Variants in CUBN observed in about 807,000 individuals in gnomAD.
The protein encoded by CUBN is 460 kDa receptor.
In CUBN, 282 loss-of-function variants were observed where a neutral mutation model predicts 405.3. The observed-to-expected ratio is 0.70, with a 90% CI of 0.63 to 0.77. The LOEUF is 0.77. CUBN is among the 30% of genes least tolerant of loss of function. The probability of loss-of-function intolerance (pLI) is 0.00; values close to 1 mark genes in which losing one functional copy is unlikely to be tolerated. For missense variants in CUBN, 4,514 were observed against 4,475.2 expected (o/e 1.01, Z -0.25); for synonymous variants, 1,684 against 1,617.0 (o/e 1.04, Z -0.99).
At chr10:16,965,112 C>T (rs969823518) in intron 31 of CUBN, among the ~76,000 whole-genome samples, 6 of 152,110 alleles carry the variant, frequency 3.9e-5, no homozygotes, top group African/African-American at 1.4e-4. Flanking sequence ...TCTGTTTGTC[C>T]GATGTATCGC....
At chr10:17,025,075 A>G (rs1246526166) in intron 27 of CUBN, among the ~76,000 whole-genome samples, 2 of 152,230 alleles carry the variant, frequency 1.3e-5, no homozygotes, top group East Asian at 1.9e-4. Flanking sequence ...TCCAATTATA[A>G]ATCTTTGCAA....
At position 16,919,917 on chromosome 10, in the gene CUBN, A is replaced by C. The variant is rs143364079; in HGVS notation, c.6821+46T>G. ...CTGTTTTGAGACATGACGGTTAAAA[A>C]ATACTAACTTGGGGTAGGAAAAAAA... is the stretch of plus-strand genomic sequence containing the variant. On this transcript the variant is annotated intron_variant, in intron 44 of 66. Coordinates refer to ENST00000377833, the MANE Select transcript of CUBN (RefSeq NM_001081.4). 1.7e-4 allele frequency: 267 copies of C among 1,592,844 alleles called. No homozygotes were observed. In the African/African-American group the frequency reaches 3.0e-3, roughly 18 times the overall value.
Position 17,123,047 on chromosome 10 carries a change from C to T in CUBN, c.490-149G>A, listed in dbSNP as rs146604093. The T allele has an allele frequency of 8.8e-4, 602 of 686,098 alleles. 1 individual carries two copies. In the East Asian group the frequency reaches 0.016, roughly 18 times the overall value. The allele number at this position is 686,098 out of a possible 1,614,324, so 42.5% of individuals were successfully genotyped here. A position where few individuals can be genotyped will look rare whatever the true frequency, so the allele number is the denominator to read the frequency against. On this transcript the variant is annotated intron_variant, in intron 5 of 66. Transcript: ENST00000377833. ...CAATAATACTGATATTAACCCCTGG[C>T]TATTCTTCCTCTGGAACTCAGATTT...
Position 16,891,818 on chromosome 10 carries a change from A to AT in CUBN, c.8599-1292dup, listed in dbSNP as rs199730303. ...GGGACCTCTGGCAAGGTTTGTAGTC[A>AT]TTTTTCTATTGTCACACTCGGTGTG... On this transcript the variant is annotated intron_variant, in intron 54 of 66. Coordinates refer to ENST00000377833, the MANE Select transcript of CUBN (RefSeq NM_001081.4). Among the ~76,000 whole-genome samples the AT allele has an allele frequency of 8.3e-3, 1,260 of 152,098 alleles. 10 individuals carry two copies. The highest frequency in any genetic ancestry group is 0.028 in the African/African-American group (1,153 of 41,488).
chr10:17,067,588 A>G (rs545345973), intron 21 of CUBN, among the ~76,000 whole-genome samples: 2 of 152,292 alleles, frequency 1.3e-5, no homozygotes, highest in South Asian at 2.1e-4. Flanking sequence ...AAATATTTTA[A>G]GAACCAGTGG....
chr10:17,127,028 C>T (rs772642832), intron 3 of CUBN, among the ~76,000 whole-genome samples: 46 of 151,834 alleles, frequency 3.0e-4, no homozygotes, highest in Non-Finnish European at 4.1e-4. Flanking sequence ...TTTTAAAGTA[C>T]AACCCACTGA....
intron 54 of CUBN, among the ~76,000 whole-genome samples, chr10:16,891,502 G>T (rs533152081): frequency 1.9e-4 from 29 of 152,232 alleles, no homozygotes; most frequent in African/African-American, 7.0e-4. Context: ...ACACGTTAGA[G>T]ACTCGGGCCA....
intron 10 of CUBN, among the ~76,000 whole-genome samples, chr10:17,105,985 C>G (rs759927340): frequency 9.9e-5 from 15 of 152,144 alleles, no homozygotes; most frequent in Non-Finnish European, 1.6e-4. Context: ...ATTTAATCCT[C>G]CCAAGAGCCC....
At chr10:17,040,530 C>T (rs1310776334) in intron 27 of CUBN, among the ~76,000 whole-genome samples, 3 of 151,980 alleles carry the variant, frequency 2.0e-5, no homozygotes, top group Admixed American at 6.6e-5. Flanking sequence ...AAATTGCATA[C>T]AGACAGTTGA....
rs571997859 is a variant in CUBN, at chr10:17,126,413, GC to G, written c.387+347del. 4.6e-3 allele frequency among the ~76,000 whole-genome samples: 703 copies of G among 152,280 alleles called. 4 individuals carry two copies. Among genetic ancestry groups the G allele is most frequent in the African/African-American group, 0.016 (656 of 41,564 alleles). On this transcript the variant is annotated intron_variant, in intron 4 of 66. Coordinates refer to ENST00000377833, the MANE Select transcript of CUBN (RefSeq NM_001081.4). ...GTCAGAGAGGATGCTTGCTTTCCGAGCCCCAGTCCCTGATGGGAGAATCAGC... is the reference window on the plus strand; with the variant it reads ...GTCAGAGAGGATGCTTGCTTTCCGAGCCCAGTCCCTGATGGGAGAATCAGC...
In CUBN at chr10:17,085,965, A is replaced by ATTT. The variant is rs11284543; in HGVS notation, c.1948-209_1948-207dup. On this transcript the variant is annotated intron_variant, in intron 15 of 66. Coordinates refer to ENST00000377833, the MANE Select transcript of CUBN (RefSeq NM_001081.4). ...ACCCCAATGCCTTCTCTCTGTCTGAATTTTTTTTTTTTTTTTTTTGAGATG... is the reference window on the plus strand; with the variant it reads ...ACCCCAATGCCTTCTCTCTGTCTGAATTTTTTTTTTTTTTTTTTTTTTGAGATG... 2.5e-3 allele frequency among the ~76,000 whole-genome samples: 328 copies of ATTT among 132,616 alleles called. 5 individuals are homozygous for ATTT. Among genetic ancestry groups the ATTT allele is most frequent in the African/African-American group, 9.1e-3 (311 of 34,078 alleles). The allele number at this position is 132,616 out of a possible 152,430, so 87.0% of individuals were successfully genotyped here.
At chr10:16,878,066 T>C (rs1203231112) in intron 56 of CUBN, among the ~76,000 whole-genome samples, 1 of 152,208 alleles carries the variant, frequency 6.6e-6, no homozygotes, top group Non-Finnish European at 1.5e-5. Flanking sequence ...GGCGGGCGGA[T>C]CACCTGAGTT....
intron 22 of CUBN, among the ~76,000 whole-genome samples, chr10:17,059,566 G>C (rs902583397): frequency 5.3e-5 from 8 of 152,156 alleles, no homozygotes; most frequent in Non-Finnish European, 8.8e-5. Flanking sequence ...TATGACCTCT[G>C]ATATTCTAGG....
At chr10:17,124,809 G>A (rs901920074) in intron 4 of CUBN, among the ~76,000 whole-genome samples, 11 of 150,492 alleles carry the variant, frequency 7.3e-5, no homozygotes, top group East Asian at 5.9e-4. Flanking sequence ...AATTGTCTGG[G>A]TTTTGGTTGG....
chr10:16,940,909 C>G (rs941486583), intron 36 of CUBN, among the ~76,000 whole-genome samples: 19 of 152,246 alleles, frequency 1.2e-4, no homozygotes, highest in African/African-American at 4.3e-4. Context: ...GGAGAGGCAG[C>G]AAAATTATGG....
In CUBN at chr10:16,952,338, C is replaced by G; in HGVS notation, c.4907G>C (p.Arg1636Pro). ...TSSFDTVSSP[R>P]FPANYPNNQN... Reference sequence around the variant, plus strand: ...ATTGTTTGGATAATTGGCAGGGAACCGTGGAGAGGAAACAGTATCAAATGA... The same window carrying G: ...ATTGTTTGGATAATTGGCAGGGAACGGTGGAGAGGAAACAGTATCAAATGA... The change falls in exon 33 of 67, where the codon CGG becomes CCG. Residue 1636 changes from arginine to proline, a missense_variant. By Grantham distance (103) the Arg-to-Pro change is moderately radical (BLOSUM62 -2). Transcript: ENST00000377833. 1.2e-6 allele frequency: 2 copies of G among 1,613,888 alleles called. No individual in the cohort carries two copies. The highest frequency in any genetic ancestry group is 1.7e-6 in the Non-Finnish European group (2 of 1,179,916).
chr10:17,012,713 G>T (rs928618627), intron 28 of CUBN, among the ~76,000 whole-genome samples: 3 of 152,144 alleles, frequency 2.0e-5, no homozygotes, highest in African/African-American at 7.2e-5. Flanking sequence ...GGTATAGATG[G>T]CTCCTTCCTG....
intron 22 of CUBN, among the ~76,000 whole-genome samples, chr10:17,057,788 A>G (rs1055467771): frequency 5.3e-5 from 8 of 152,086 alleles, no homozygotes; most frequent in African/African-American, 1.9e-4. Context: ...AAAACACATG[A>G]ATACAGCAAC....
intron 29 of CUBN, among the ~76,000 whole-genome samples, chr10:16,985,004 C>A (rs1460614679): frequency 6.6e-6 from 1 of 152,232 alleles, no homozygotes; most frequent in African/African-American, 2.4e-5. Flanking sequence ...TCAGGGATTG[C>A]CCTAGACTCT....
Sources: gnomAD v4.1 joint callset for allele counts (sites outside exome capture counted in the v4.1 genomes callset) on GRCh38, gnomAD v4.1.1 for gene constraint, MANE v1.5 for transcripts, NCBI Gene and HGNC (gene_info 2026-07-23, HGNC 2026-07-21) for gene names.